Variants in FAM151B observed in about 807,000 individuals in gnomAD.
The protein encoded by FAM151B is family with sequence similarity 151 member B, also known as protein FAM151B.
FAM151B carries 24 observed loss-of-function variants against 31.2 expected under a neutral mutation model. The observed-to-expected ratio is 0.77, with a 90% CI of 0.56 to 1.08. FAM151B has a LOEUF of 1.08. FAM151B is among the 50% of genes least tolerant of loss of function. The pLI is 0.00. For synonymous variants in FAM151B, 105 were observed against 111.4 expected (o/e 0.94, Z 0.36); for missense variants, 293 against 328.6 (o/e 0.89, Z 0.84).
chr5:80,488,191 T>G, intron 1 of FAM151B, 43 bp downstream of exon 1: 2 of 1,524,770 alleles, frequency 1.3e-6, no homozygotes, highest in Non-Finnish European at 1.8e-6. Context: ...GTGGGGCGCT[T>G]TGAGAGGCTC....
In FAM151B at chr5:80,492,018, C is replaced by T. The variant is rs144732818; in HGVS notation, c.25+3870C>T. ...TGGTAGCTGGAGAACAGCCACAGGT[C>T]GCACAGGGAAGGAGGTTGGGATAAA... On this transcript the variant is annotated intron_variant, in intron 1 of 5. Transcript: ENST00000282226. Among the ~76,000 whole-genome samples, 578 of 152,204 alleles carry T rather than the reference C, an allele frequency of 3.8e-3. 3 individuals are homozygous for T. The highest frequency in any genetic ancestry group is 0.013 in the African/African-American group (548 of 41,512).
intron 5 of FAM151B, among the ~76,000 whole-genome samples, chr5:80,540,417 T>C (rs1326413700): frequency 6.6e-6 from 1 of 152,176 alleles, no homozygotes; most frequent in East Asian, 1.9e-4. Context: ...TGTACTTTTT[T>C]CTATGTGTTA....
intron 1 of FAM151B, chr5:80,501,293 T>TACAG (rs1376499900): frequency 1.5e-6 from 1 of 666,154 alleles, no homozygotes; most frequent in African/African-American, 1.8e-5. Flanking sequence ...GTGCTGGGAT[T>TACAG]ACAGGCGTGA....
intron 1 of FAM151B, chr5:80,501,465 G>GAA (rs34586243): frequency 3.9e-4 from 33 of 85,360 alleles, no homozygotes; most frequent in South Asian, 1.0e-3. Flanking sequence ...CTCTCAAATT[G>GAA]AAAAAAAAAA....
intron 3 of FAM151B, among the ~76,000 whole-genome samples, chr5:80,515,013 G>T (rs1157611282): frequency 6.6e-6 from 1 of 152,126 alleles, no homozygotes; most frequent in Admixed American, 6.5e-5. Flanking sequence ...GCCAAGGCGG[G>T]TGGATCACCT....
At chr5:80,515,798 C>A (rs954631349) in intron 3 of FAM151B, among the ~76,000 whole-genome samples, 12 of 152,068 alleles carry the variant, frequency 7.9e-5, no homozygotes, top group African/African-American at 2.9e-4. Context: ...TAGGTTATTG[C>A]TGTTATTCTC....
rs1580413332 is a variant in FAM151B at position 80,498,678 on chromosome 5, T to C, written c.26-3114T>C. On this transcript the variant is annotated intron_variant, in intron 1 of 5. Transcript: ENST00000282226. Reference sequence around the variant, plus strand: ...AATTTTGCCATTCTCTTCCACCTTATAGTATTTCAGGACAGCCAGCTTCAT... The same window carrying C: ...AATTTTGCCATTCTCTTCCACCTTACAGTATTTCAGGACAGCCAGCTTCAT... 1.1e-5 allele frequency: 7 copies of C among 635,610 alleles called. No homozygotes were observed. The East Asian group carries it at 2.0e-4, about 18-fold the overall frequency. The allele number at this position is 635,610 out of a possible 1,614,324, so 39.4% of individuals were successfully genotyped here.
intron 4 of FAM151B, among the ~76,000 whole-genome samples, chr5:80,521,256 C>T (rs1744703591): frequency 6.6e-6 from 1 of 150,852 alleles, no homozygotes; most frequent in East Asian, 2.0e-4. Context: ...TCCAGAGTAG[C>T]TGAGACCACA....
At chr5:80,509,440 C>T (rs1744103257) in intron 2 of FAM151B, among the ~76,000 whole-genome samples, 2 of 152,158 alleles carry the variant, frequency 1.3e-5, no homozygotes, top group Admixed American at 1.3e-4. Context: ...AGAAGGCCCT[C>T]TTTAAGTATC....
At chr5:80,490,629 C>T (rs1197726869) in intron 1 of FAM151B, among the ~76,000 whole-genome samples, 3 of 152,196 alleles carry the variant, frequency 2.0e-5, no homozygotes, top group African/African-American at 7.2e-5. Context: ...ATGAATTTGC[C>T]TGTTCTGGAT....
chr5:80,524,673 A>T (rs1337064759), intron 5 of FAM151B, among the ~76,000 whole-genome samples: 5 of 152,178 alleles, frequency 3.3e-5, no homozygotes, highest in Non-Finnish European at 7.4e-5. Flanking sequence ...TTAGCACTGA[A>T]ATATTTATGT....
At chr5:80,507,319 C>G (rs1744005694) in intron 2 of FAM151B, among the ~76,000 whole-genome samples, 1 of 152,146 alleles carries the variant, frequency 6.6e-6, no homozygotes, top group African/African-American at 2.4e-5. Context: ...GTCCTCTGAC[C>G]TAGCTTTAGA....
intron 3 of FAM151B, among the ~76,000 whole-genome samples, chr5:80,514,354 A>T (rs2112629261): frequency 6.6e-6 from 1 of 152,046 alleles, no homozygotes; most frequent in South Asian, 2.1e-4. Context: ...GGGCGCCTGT[A>T]ATCACAGCTA....
Position 80,538,448 on chromosome 5 carries a change from C to CTCTTTCTTTCTT in FAM151B, c.672-3198_672-3187dup, listed in dbSNP as rs776089650. ...TCTTTCTTTCTTTCTTTCTTTCTTT[C>CTCTTTCTTTCTT]TCTTTCTTTCTTTCTTTCTTTCTTT... is the stretch of plus-strand genomic sequence containing the variant. On this transcript the variant is annotated intron_variant, in intron 5 of 5. Transcript: ENST00000282226. Among the ~76,000 whole-genome samples the CTCTTTCTTTCTT allele has an allele frequency of 6.1e-4, 30 of 49,358 alleles. 1 individual carries two copies. In the East Asian group the frequency reaches 0.01, roughly 16 times the overall value. The allele number at this position is 49,358 out of a possible 152,430, so 32.4% of individuals were successfully genotyped here.
At chr5:80,518,219 C>G (rs1744553445) in intron 3 of FAM151B, among the ~76,000 whole-genome samples, 1 of 152,116 alleles carries the variant, frequency 6.6e-6, no homozygotes, top group African/African-American at 2.4e-5. Flanking sequence ...TTTAACCCAG[C>G]TTCCATAAGA....
intron 5 of FAM151B, among the ~76,000 whole-genome samples, chr5:80,538,448 C>CTTTCTTTT (rs1235874356): frequency 2.0e-5 from 1 of 49,348 alleles, no homozygotes; most frequent in Non-Finnish European, 3.7e-5. Context: ...TTCTTTCTTT[C>CTTTCTTTT]TCTTTCTTTC....
intron 5 of FAM151B, among the ~76,000 whole-genome samples, chr5:80,522,844 T>C (rs1032154243): frequency 1.3e-5 from 2 of 152,192 alleles, no homozygotes; most frequent in African/African-American, 4.8e-5. Flanking sequence ...ACCTATTGAA[T>C]ATTTAAATAG....
chr5:80,499,778 G>T (rs183681688), intron 1 of FAM151B: 1 of 149,532 alleles, frequency 6.7e-6, no homozygotes, highest in Non-Finnish European at 1.5e-5. Flanking sequence ...CTTGTTCTCT[G>T]TTTTTAAAAT....
chr5:80,538,440 C>CT (rs1231286659), intron 5 of FAM151B, among the ~76,000 whole-genome samples: 1 of 59,874 alleles, frequency 1.7e-5, no homozygotes, highest in Admixed American at 1.8e-4. Context: ...TTCTTTCTTT[C>CT]TTTCTTTCTC....
Sources: gnomAD v4.1 joint callset for allele counts (sites outside exome capture counted in the v4.1 genomes callset) on GRCh38, gnomAD v4.1.1 for gene constraint, MANE v1.5 for transcripts, NCBI Gene and HGNC (gene_info 2026-07-23, HGNC 2026-07-21) for gene names.